MBOAT1: variants seen among roughly 807,000 people sequenced by gnomAD.
The protein encoded by MBOAT1 is membrane-bound glycerophospholipid O-acyltransferase 1.
A neutral mutation model predicts 64.4 loss-of-function variants in MBOAT1; 67 were observed. The ratio of observed to expected loss-of-function variants is 1.04; its 90% CI spans 0.85 to 1.27. The LOEUF (loss-of-function observed/expected upper bound fraction) is 1.27. Ranked by LOEUF, MBOAT1 falls within the 50% of genes most tolerant of loss-of-function variation. The probability of loss-of-function intolerance (pLI) is 0.00; values close to 1 mark genes in which losing one functional copy is unlikely to be tolerated. For synonymous variants in MBOAT1, 229 were observed against 218.9 expected, an observed-to-expected ratio of 1.05 and a Z score of -0.41; for missense variants, 563 against 604.6, an observed-to-expected ratio of 0.93 and a Z score of 0.72.
At chr6:20,155,477 T>G (rs1374351091) in intron 1 of MBOAT1, among the ~76,000 whole-genome samples, 6 of 152,244 alleles carry the variant, frequency 3.9e-5, no homozygotes, top group African/African-American at 1.4e-4. Flanking sequence ...AAGACTTACA[T>G]GCTCTGGGCT....
intron 3 of MBOAT1, among the ~76,000 whole-genome samples, chr6:20,150,196 C>T (rs10484636): frequency 0.084 from 12,717 of 152,176 alleles, 1,705 homozygotes; most frequent in African/African-American, 0.28. Context: ...CTTAAACTAC[C>T]TCTGTACTTT....
At chr6:20,195,102 GC>G (rs2113761583) in intron 1 of MBOAT1, among the ~76,000 whole-genome samples, 1 of 152,122 alleles carries the variant, frequency 6.6e-6, no homozygotes, top group South Asian at 2.1e-4. Flanking sequence ...ATAGGCATAT[GC>G]CACCATGCCC....
At chr6:20,152,528 A>G in intron 2 of MBOAT1, 96 bp downstream of exon 2, 1 of 1,276,964 alleles carries the variant, frequency 7.8e-7, no homozygotes, top group South Asian at 1.6e-5. Flanking sequence ...TACATATTTT[A>G]TAATGCCATC....
intron 4 of MBOAT1, among the ~76,000 whole-genome samples, chr6:20,131,616 C>T (rs889238072): frequency 7.2e-5 from 11 of 152,298 alleles, no homozygotes; most frequent in African/African-American, 2.6e-4. Context: ...TGAGAACGGA[C>T]TAATACAGCC....
rs1249255187 is a variant in MBOAT1, at chr6:20,099,838, G to A, written c.*2448C>T. Among the ~76,000 whole-genome samples the A allele has an allele frequency of 6.6e-6, 1 of 152,208 alleles. No homozygotes were observed. The highest frequency in any genetic ancestry group is 1.5e-5 in the Non-Finnish European group (1 of 68,040). Reference sequence around the variant, plus strand: ...AACAGTCCCAACCTTCCGTCTAAATGTTGGTCCTCAGTTGAAATCTTTTTC... The same window carrying A: ...AACAGTCCCAACCTTCCGTCTAAATATTGGTCCTCAGTTGAAATCTTTTTC... On this transcript the variant is annotated 3_prime_UTR_variant, in exon 13 of 13. Transcript: ENST00000324607.
intron 3 of MBOAT1, among the ~76,000 whole-genome samples, chr6:20,150,561 C>CTTTTT (rs1761460381): frequency 2.7e-5 from 4 of 146,648 alleles, no homozygotes; most frequent in African/African-American, 1.0e-4. Flanking sequence ...TTTTCTTTTT[C>CTTTTT]CTTTTTTTTT....
In MBOAT1 at chr6:20,192,656, A is replaced by G. The variant is rs372255638; in HGVS notation, c.99+19480T>C. ...TGGCAATGGGAAATAACAGGAAACA[A>G]CGCCTATCTGTTGCCTAAAGAGCGC... On this transcript the variant is annotated intron_variant, in intron 1 of 12. Transcript: ENST00000324607. 2.0e-4 allele frequency among the ~76,000 whole-genome samples: 30 copies of G among 152,330 alleles called. 1 individual carries two copies. Among genetic ancestry groups the G allele is most frequent in the African/African-American group, 7.0e-4 (29 of 41,568 alleles).
intron 1 of MBOAT1, among the ~76,000 whole-genome samples, chr6:20,171,002 G>A (rs1375101923): frequency 2.6e-5 from 4 of 152,150 alleles, no homozygotes; most frequent in Non-Finnish European, 5.9e-5. Flanking sequence ...GGGAAAGATA[G>A]AGCAGAGAAC....
rs1442592954 is a variant in MBOAT1 at position 20,115,251 on chromosome 6, G to A, written c.1076+37C>T. The A allele has an allele frequency of 2.0e-6, 3 of 1,511,820 alleles. No individual in the cohort carries two copies. In the South Asian group the frequency reaches 3.4e-5, roughly 17 times the overall value. The allele number at this position is 1,511,820 out of a possible 1,614,324, so 93.7% of individuals were successfully genotyped here. On this transcript the variant is annotated intron_variant, in intron 10 of 12. Coordinates refer to ENST00000324607, the MANE Select transcript of MBOAT1 (RefSeq NM_001080480.3). ...CTGACTCCCCTCTGAACATATCCCA[G>A]TGCCCTAAGTAATGAGGTCGTTTTT...
chr6:20,174,426 C>T (rs1322347389), intron 1 of MBOAT1, among the ~76,000 whole-genome samples: 1 of 152,136 alleles, frequency 6.6e-6, no homozygotes, highest in Non-Finnish European at 1.5e-5. Flanking sequence ...CTGAACACTG[C>T]AGGCAAGTAT....
intron 8 of MBOAT1, among the ~76,000 whole-genome samples, chr6:20,120,577 G>A (rs964050241): frequency 1.3e-5 from 2 of 152,084 alleles, no homozygotes; most frequent in African/African-American, 2.4e-5. Flanking sequence ...GCTGAGGCAG[G>A]AGAATCACTT....
intron 1 of MBOAT1, among the ~76,000 whole-genome samples, chr6:20,161,238 C>T (rs574058418): frequency 6.6e-6 from 1 of 152,036 alleles, no homozygotes; most frequent in African/African-American, 2.4e-5. Flanking sequence ...AATCGAATGC[C>T]TTACGATCTG....
At chr6:20,107,355 TTC>T (rs1427602385) in intron 12 of MBOAT1, among the ~76,000 whole-genome samples, 1 of 152,110 alleles carries the variant, frequency 6.6e-6, no homozygotes, top group African/African-American at 2.4e-5. Flanking sequence ...TCCAGGCTGT[TTC>T]CAAGTCTGGA....
At chr6:20,109,168 C>T in intron 12 of MBOAT1, among the ~76,000 whole-genome samples, 1 of 152,142 alleles carries the variant, frequency 6.6e-6, no homozygotes, top group Admixed American at 6.5e-5. Context: ...TTCTGCACAC[C>T]ACTCGATCAG....
chr6:20,148,065 A>T (rs1490646435), intron 3 of MBOAT1, among the ~76,000 whole-genome samples: 2 of 152,178 alleles, frequency 1.3e-5, no homozygotes, highest in African/African-American at 4.8e-5. Flanking sequence ...GTGGCTTGGG[A>T]AGGAAACACA....
intron 1 of MBOAT1, among the ~76,000 whole-genome samples, chr6:20,187,693 T>C (rs745863822): frequency 3.2e-4 from 49 of 152,168 alleles, no homozygotes; most frequent in Non-Finnish European, 4.3e-4. Flanking sequence ...ATAATGCCTA[T>C]GGTCAGGTAA....
chr6:20,138,312 C>T (rs906674358), intron 4 of MBOAT1, among the ~76,000 whole-genome samples: 6 of 152,094 alleles, frequency 3.9e-5, no homozygotes, highest in African/African-American at 1.2e-4. Flanking sequence ...TGTATTATTT[C>T]CCTAACAACA....
intron 8 of MBOAT1, 66 bp from the exon 9 acceptor site, chr6:20,118,606 C>A: frequency 7.8e-7 from 1 of 1,281,024 alleles, no homozygotes; most frequent in Non-Finnish European, 1.1e-6. Flanking sequence ...TTAAAAGACA[C>A]TAAATATCTG....
intron 1 of MBOAT1, among the ~76,000 whole-genome samples, chr6:20,189,509 T>C (rs116543984): frequency 0.013 from 1,946 of 152,264 alleles, 52 homozygotes; most frequent in African/African-American, 0.044. Context: ...CAAGTGATCA[T>C]CCTGCTTCAG....
Sources: allele counts gnomAD v4.1 joint callset (sites outside exome capture counted in the v4.1 genomes callset), GRCh38; gene constraint gnomAD v4.1.1; transcripts MANE v1.5; gene names NCBI Gene and HGNC (gene_info 2026-07-23, HGNC 2026-07-21).